The following NDE1 variants were observed in gnomAD, a reference collection of about 807,000 sequenced individuals.
NDE1 encodes nudE neurodevelopment protein 1, also known as nuclear distribution protein nudE homolog 1.
NDE1 carries 28 observed loss-of-function variants against 43.4 expected under a neutral mutation model. The ratio of observed to expected loss-of-function variants is 0.65; its 90% confidence interval spans 0.48 to 0.89. The LOEUF (loss-of-function observed/expected upper bound fraction) is 0.89, where lower values mean the gene tolerates loss of function less well. NDE1 is among the 40% of genes least tolerant of loss of function. The probability of loss-of-function intolerance (pLI) is 0.00; values close to 1 mark genes in which losing one functional copy is unlikely to be tolerated. For synonymous variants in NDE1, 184 were observed against 172.0 expected (o/e 1.07, Z -0.55); for missense variants, 441 against 434.1 (o/e 1.02, Z -0.14).
chr16:15,693,187 T>C (rs552125985), intron 6 of NDE1, among the ~76,000 whole-genome samples: 255 of 152,206 alleles, frequency 1.7e-3, no homozygotes, highest in African/African-American at 5.9e-3. Context: ...GTATTTTTAG[T>C]AGAAACAAGA....
Position 15,691,156 on chromosome 16 carries a change from A to T in NDE1, c.536A>T (p.Glu179Val). 2 of 1,614,014 alleles carry T rather than the reference A, an allele frequency of 1.2e-6. No individual in the cohort carries two copies. The highest frequency in any genetic ancestry group is 1.7e-6 in the Non-Finnish European group (2 of 1,180,006). Residue 179 changes from glutamate to valine, a missense_variant, in exon 6 of 9, where the codon GAA becomes GTA. Glu to Val is a moderately radical substitution (Grantham distance 121). Transcript: ENST00000396354. ...LKDEARDLRQ[E>V]LAVQQKQEKP... is the part of the protein sequence containing the mutation. ...TTTTCTGGCACAGATTTGCGGCAGG[A>T]ACTGGCCGTGCAGCAGAAGCAGGAG...
At position 15,692,939 on chromosome 16, in the gene NDE1, G is replaced by A. The variant is rs146435839; in HGVS notation, c.704-1226G>A. Among the ~76,000 whole-genome samples, 1,370 of 151,712 alleles carry A rather than the reference G, an allele frequency of 9.0e-3. 73 individuals are homozygous for A. The highest frequency in any genetic ancestry group is 0.081 in the Admixed American group (1,238 of 15,220). On this transcript the variant is annotated intron_variant, in intron 6 of 8. Transcript: ENST00000396354. ...TTCAATATGCATGTAGCTTACCTGG[G>A]GATCTTGGTAGAATGTACCTCAGAT... is the stretch of plus-strand genomic sequence containing the variant.
chr16:15,705,670 G>A (rs904711), intron 8 of NDE1, among the ~76,000 whole-genome samples: 2,536 of 152,150 alleles, frequency 0.017, 73 homozygotes, highest in African/African-American at 0.058. Flanking sequence ...ACAACTCAGT[G>A]ACCAATTCTT....
chr16:15,653,292 G>T (rs945708773), intron 1 of NDE1, among the ~76,000 whole-genome samples: 3 of 152,122 alleles, frequency 2.0e-5, no homozygotes, highest in African/African-American at 7.2e-5. Flanking sequence ...ATGGGTCCTT[G>T]CCTGCCTAAG....
At position 15,652,856 on chromosome 16, in the gene NDE1, G is replaced by C. The variant is rs535195792; in HGVS notation, c.-44+2562G>C. Among the ~76,000 whole-genome samples, 144 of 152,020 alleles carry C rather than the reference G, an allele frequency of 9.5e-4. 1 individual carries two copies. Among genetic ancestry groups the C allele is most frequent in the Middle Eastern group, 6.8e-3 (2 of 294 alleles). ...TTTTTAAAATTTTTTGTAGAGATTGGGGTCTCACTATGTTGCCCAGGCTGG... is the reference window on the plus strand; with the variant it reads ...TTTTTAAAATTTTTTGTAGAGATTGCGGTCTCACTATGTTGCCCAGGCTGG... On this transcript the variant is annotated intron_variant, in intron 1 of 8. Coordinates refer to ENST00000396354, the MANE Select transcript of NDE1 (RefSeq NM_017668.3).
intron 6 of NDE1, among the ~76,000 whole-genome samples, chr16:15,693,092 C>T (rs1416331994): frequency 6.6e-6 from 1 of 151,818 alleles, no homozygotes; most frequent in Non-Finnish European, 1.5e-5. Flanking sequence ...GCCTCTGCCT[C>T]CTGGATTCAA....
intron 8 of NDE1, chr16:15,715,255 G>A (rs1418908913): frequency 6.2e-7 from 1 of 1,613,948 alleles, no homozygotes; most frequent in African/African-American, 1.3e-5. Context: ...CAGCGACTTG[G>A]TGGCCGCCTG....
Position 15,664,741 on chromosome 16 carries a change from A to G in NDE1, c.-38A>G, listed in dbSNP as rs759553611. 36 of 1,458,586 alleles carry G rather than the reference A, an allele frequency of 2.5e-5. No individual in the cohort carries two copies. Among genetic ancestry groups the G allele is most frequent in the Non-Finnish European group, 3.5e-5 (36 of 1,039,386 alleles). The allele number at this position is 1,458,586 out of a possible 1,614,324, so 90.4% of individuals were successfully genotyped here. A position where few individuals can be genotyped will look rare whatever the true frequency, so the allele number is the denominator to read the frequency against. ...TTTGAAACCTTCTCTCCTAGACACC[A>G]TGCCACAAGGAGAGTGATCTCTTCC... On this transcript the variant is annotated 5_prime_UTR_variant, in exon 2 of 9. It removes an upstream start codon present in the reference 5' UTR. Coordinates refer to ENST00000396354, the MANE Select transcript of NDE1 (RefSeq NM_017668.3).
In NDE1 at chr16:15,724,656, G is replaced by A. The variant is rs989956460; in HGVS notation, c.*405G>A. ...GACACGGGGCAGGCACCTGGATGTT[G>A]AGAGTGGAGATGTGGCGCTCCAGGT... On this transcript the variant is annotated 3_prime_UTR_variant, in exon 9 of 9. Transcript: ENST00000396354. 2 of 1,614,032 alleles carry A rather than the reference G, an allele frequency of 1.2e-6. No homozygotes were observed. The highest frequency in any genetic ancestry group is 2.7e-5 in the African/African-American group (2 of 74,940).
chr16:15,649,564 T>C (rs1441721967), upstream of NDE1: 3 of 152,296 alleles, frequency 2.0e-5, no homozygotes, highest in African/African-American at 7.2e-5. Flanking sequence ...GACCTCGTGA[T>C]CCACCCGCCT....
At position 15,726,010 on chromosome 16, in the gene NDE1, C is replaced by G. The variant is rs1466088629; in HGVS notation, c.*1759C>G. 2.2e-5 allele frequency: 6 copies of G among 278,678 alleles called. No homozygotes were observed. The highest frequency in any genetic ancestry group is 6.6e-5 in the African/African-American group (3 of 45,652). The allele number at this position is 278,678 out of a possible 1,614,324, so 17.3% of individuals were successfully genotyped here. On this transcript the variant is annotated 3_prime_UTR_variant, in exon 9 of 9. Coordinates refer to ENST00000396354, the MANE Select transcript of NDE1 (RefSeq NM_017668.3). Reference sequence around the variant, plus strand: ...CTCCAGCTCTACTGGCTGTATGTCTCTCTCCTAATTTTTCTACTTACCACA... The same window carrying G: ...CTCCAGCTCTACTGGCTGTATGTCTGTCTCCTAATTTTTCTACTTACCACA...
chr16:15,696,918 G>A, intron 8 of NDE1, 58 bp downstream of exon 8: 1 of 1,597,638 alleles, frequency 6.3e-7, no homozygotes, highest in Non-Finnish European at 8.5e-7. Context: ...CCCCAGGCAA[G>A]AGACACTCAC....
chr16:15,725,064 T>A lies in NDE1; in HGVS notation c.*813T>A. 1 of 1,256,618 alleles carries A rather than the reference T, an allele frequency of 8.0e-7. No individual in the cohort carries two copies. The highest frequency in any genetic ancestry group is 1.1e-6 in the Non-Finnish European group (1 of 877,034). 77.8% of individuals were successfully genotyped at this position (1,256,618 alleles called of 1,614,324 possible). A position where few individuals can be genotyped will look rare whatever the true frequency, so the allele number is the denominator to read the frequency against. On this transcript the variant is annotated 3_prime_UTR_variant, in exon 9 of 9. Coordinates refer to ENST00000396354, the MANE Select transcript of NDE1 (RefSeq NM_017668.3). ...CCTCGTTGAAAGGAGCCCTTTTTAC[T>A]CAAAACACATGGGCTAGTACTTGAG...
rs905753482 is a variant in NDE1, at chr16:15,696,799, A to G, written c.886A>G (p.Lys296Glu). The change falls in exon 8 of 9, where the codon AAG becomes GAG. Residue 296 changes from lysine (K) to glutamate (E), a missense_variant. By Grantham distance (56) the Lys-to-Glu change is moderately conservative. Coordinates refer to ENST00000396354, the MANE Select transcript of NDE1 (RefSeq NM_017668.3). ...TGGPASGRSS[K>E]NRDGGERRPS... The stretch of plus-strand genomic sequence containing the variant: ...TGGCCCAGCCTCTGGGCGGAGCAGC[A>G]AGAACAGAGATGGCGGGGAGAGACG... The G allele has an allele frequency of 1.9e-6, 3 of 1,614,088 alleles. No individual in the cohort carries two copies. Among genetic ancestry groups the G allele is most frequent in the African/African-American group, 1.3e-5 (1 of 74,944 alleles).
chr16:15,693,460 A>T (rs1258057624), intron 6 of NDE1, among the ~76,000 whole-genome samples: 1 of 152,180 alleles, frequency 6.6e-6, no homozygotes, highest in Admixed American at 6.5e-5. Flanking sequence ...AATTAACTAT[A>T]TGGATTTTCT....
In NDE1 at chr16:15,643,861, A is replaced by G. The variant is rs77151061; in HGVS notation, c.-232A>G. The G allele has an allele frequency of 6.6e-3, 1,038 of 156,240 alleles. 9 individuals carry two copies. Among genetic ancestry groups the G allele is most frequent in the African/African-American group, 0.023 (974 of 41,512 alleles). 9.7% of individuals were successfully genotyped at this position (156,240 alleles called of 1,614,324 possible). ...ACGTTATTTTTAAAAGCCCTGCTCC[A>G]AAGCTGGTTACAAATGAATACTGCG... On this transcript the variant is annotated 5_prime_UTR_variant, in exon 1 of 10. Transcript: ENST00000396355.
upstream of NDE1, among the ~76,000 whole-genome samples, chr16:15,648,081 A>T (rs1159467444): frequency 6.6e-6 from 1 of 151,268 alleles, no homozygotes; most frequent in Non-Finnish European, 1.5e-5. Flanking sequence ...TTTAGTTTTT[A>T]TGGGTACACT....
intron 8 of NDE1, among the ~76,000 whole-genome samples, chr16:15,699,240 A>G (rs1015441013): frequency 1.3e-5 from 2 of 149,120 alleles, no homozygotes; most frequent in African/African-American, 5.0e-5. Flanking sequence ...TGGGGGTTAC[A>G]AGCGTTAGCA....
At chr16:15,700,749 C>T (rs1475909079) in intron 8 of NDE1, among the ~76,000 whole-genome samples, 1 of 152,018 alleles carries the variant, frequency 6.6e-6, no homozygotes, top group East Asian at 1.9e-4. Context: ...CCGTGCCTGG[C>T]CCCTGATTGG....
Sources: allele counts gnomAD v4.1 joint callset (sites outside exome capture counted in the v4.1 genomes callset), GRCh38; gene constraint gnomAD v4.1.1; transcripts MANE v1.5; gene names NCBI Gene and HGNC (gene_info 2026-07-23, HGNC 2026-07-21).